The following SPOCK1 variants were observed in gnomAD, a reference collection of about 807,000 sequenced individuals.
The protein encoded by SPOCK1 is testican-1.
In SPOCK1, 23 loss-of-function variants were observed where a neutral mutation model predicts 55.3. The ratio of observed to expected loss-of-function variants is 0.42; its 90% CI spans 0.30 to 0.59. The LOEUF is 0.59. SPOCK1 is among the 20% of genes least tolerant of loss of function. The pLI is 0.22. For synonymous variants in SPOCK1, 226 were observed against 221.0 expected, an observed-to-expected ratio of 1.02 and a Z score of -0.20; for missense variants, 499 against 552.5, an observed-to-expected ratio of 0.90 and a Z score of 0.97.
intron 6 of SPOCK1, among the ~76,000 whole-genome samples, chr5:137,062,834 A>C (rs369184673): frequency 1.5e-4 from 23 of 152,132 alleles, no homozygotes; most frequent in East Asian, 9.6e-4. Context: ...GTTTTTGTGG[A>C]TAACCATTGC....
intron 2 of SPOCK1, among the ~76,000 whole-genome samples, chr5:137,364,602 A>G (rs1055908728): frequency 6.6e-6 from 1 of 152,188 alleles, no homozygotes; most frequent in African/African-American, 2.4e-5. Context: ...CCCACCTAAG[A>G]CAAGGGCAAT....
chr5:137,150,276 C>T (rs967407462), intron 3 of SPOCK1, among the ~76,000 whole-genome samples: 3 of 152,176 alleles, frequency 2.0e-5, no homozygotes, highest in Non-Finnish European at 4.4e-5. Context: ...CACCCTACAA[C>T]AAACAAGTAG....
intron 6 of SPOCK1, among the ~76,000 whole-genome samples, chr5:137,037,916 G>A (rs1751915093): frequency 6.6e-6 from 1 of 152,178 alleles, no homozygotes; most frequent in African/African-American, 2.4e-5. Flanking sequence ...ACATAAATGG[G>A]AGTTGGTGGC....
At chr5:137,152,416 C>T (rs1754335421) in intron 3 of SPOCK1, among the ~76,000 whole-genome samples, 1 of 152,196 alleles carries the variant, frequency 6.6e-6, no homozygotes, top group East Asian at 1.9e-4. Context: ...TAAATCAGGG[C>T]TTAACTGCAC....
At chr5:137,150,169 A>G (rs1754291959) in intron 3 of SPOCK1, among the ~76,000 whole-genome samples, 1 of 152,192 alleles carries the variant, frequency 6.6e-6, no homozygotes, top group South Asian at 2.1e-4. Flanking sequence ...GGTAAACTCT[A>G]TAAGAAGAAA....
At chr5:137,265,134 G>A (rs868712885) in intron 3 of SPOCK1, among the ~76,000 whole-genome samples, 1 of 152,124 alleles carries the variant, frequency 6.6e-6, no homozygotes, top group Non-Finnish European at 1.5e-5. Flanking sequence ...GTTTAAAGAC[G>A]GTGATTTTGT....
At chr5:137,196,596 G>A (rs912452430) in intron 3 of SPOCK1, among the ~76,000 whole-genome samples, 1 of 152,204 alleles carries the variant, frequency 6.6e-6, no homozygotes, top group Non-Finnish European at 1.5e-5. Flanking sequence ...GCTCCTTCAA[G>A]TCTCAGCTCG....
intron 3 of SPOCK1, among the ~76,000 whole-genome samples, chr5:137,161,153 A>G (rs1332133938): frequency 6.7e-6 from 1 of 148,470 alleles, no homozygotes; most frequent in African/African-American, 2.5e-5. Context: ...TATCTCTAAT[A>G]TATAATATAT....
chr5:137,265,206 G>A (rs1480882313), intron 3 of SPOCK1, among the ~76,000 whole-genome samples: 1 of 152,136 alleles, frequency 6.6e-6, no homozygotes, highest in Non-Finnish European at 1.5e-5. Context: ...TATCCCAAGT[G>A]GCAAATGACA....
At chr5:137,407,712 TC>T (rs1392750913) in intron 2 of SPOCK1, among the ~76,000 whole-genome samples, 1 of 151,386 alleles carries the variant, frequency 6.6e-6, no homozygotes, top group African/African-American at 2.4e-5. Context: ...AATCTCATTC[TC>T]CCCCCAACAC....
chr5:137,467,846 A>G (rs909702499), intron 2 of SPOCK1, among the ~76,000 whole-genome samples: 4 of 152,234 alleles, frequency 2.6e-5, no homozygotes, highest in African/African-American at 9.6e-5. Flanking sequence ...AGCAACACCA[A>G]ATAGAAACGT....
chr5:137,160,616 T>TATA (rs1470735922), intron 3 of SPOCK1, among the ~76,000 whole-genome samples: 9,584 of 58,674 alleles, frequency 0.16, 971 homozygotes, highest in East Asian at 0.36. Context: ...TAATATATAA[T>TATA]ATATATTTTA....
chr5:137,219,172 A>G (rs1330581352), intron 3 of SPOCK1, among the ~76,000 whole-genome samples: 2 of 152,224 alleles, frequency 1.3e-5, no homozygotes, highest in Non-Finnish European at 1.5e-5. Context: ...TTACACAAAT[A>G]CACTGTGTTC....
intron 2 of SPOCK1, among the ~76,000 whole-genome samples, chr5:137,305,377 C>T (rs1246067834): frequency 6.6e-6 from 1 of 152,198 alleles, no homozygotes; most frequent in African/African-American, 2.4e-5. Context: ...TCAGCCCCAT[C>T]CTGCTTATCT....
At position 136,988,544 on chromosome 5, in the gene SPOCK1, A is replaced by G; in HGVS notation, c.806T>C (p.Ile269Thr). 1 of 1,614,114 alleles carries G rather than the reference A, an allele frequency of 6.2e-7. No individual in the cohort carries two copies. Among genetic ancestry groups the G allele is most frequent in the Non-Finnish European group, 8.5e-7 (1 of 1,180,004 alleles). ...GTACTTATCCAGGTAGATGGCATTG[A>G]TCTCTGAAGGGTCAAGCAGGAGGTC... ...NYDLLLDPSE[I>T]NAIYLDKYEP... Residue 269 changes from isoleucine (I) to threonine (T), a missense_variant, in exon 8 of 11, where the codon ATC becomes ACC. Physicochemically the swap from Ile to Thr is moderately conservative, Grantham distance 89. Around this residue, in one of 3 missense-constraint regions of SPOCK1, gnomAD observed 386 missense variants for 400.6 expected, o/e 0.96. Coordinates refer to ENST00000394945, the MANE Select transcript of SPOCK1 (RefSeq NM_004598.4).
intron 2 of SPOCK1, among the ~76,000 whole-genome samples, chr5:137,276,207 G>A (rs948301380): frequency 2.6e-5 from 4 of 152,214 alleles, no homozygotes; most frequent in Non-Finnish European, 5.9e-5. Flanking sequence ...TTTTAATCCT[G>A]CAGCAGCCTA....
At chr5:137,370,723 G>C (rs1187355416) in intron 2 of SPOCK1, among the ~76,000 whole-genome samples, 2 of 152,222 alleles carry the variant, frequency 1.3e-5, no homozygotes, top group Admixed American at 1.3e-4. Flanking sequence ...GCAATCATTA[G>C]AGTTTTAGCT....
chr5:137,119,541 G>C (rs1343004820), intron 4 of SPOCK1, among the ~76,000 whole-genome samples: 1 of 152,160 alleles, frequency 6.6e-6, no homozygotes, highest in Admixed American at 6.5e-5. Flanking sequence ...TCCATCGTGG[G>C]GTATGTGGGC....
intron 2 of SPOCK1, among the ~76,000 whole-genome samples, chr5:137,427,372 T>A (rs1752653658): frequency 6.6e-6 from 1 of 152,098 alleles, no homozygotes; most frequent in Non-Finnish European, 1.5e-5. Flanking sequence ...CTCACCAATG[T>A]CCCCATAAAA....
Sources: gnomAD v4.1 joint callset for allele counts (sites outside exome capture counted in the v4.1 genomes callset) on GRCh38, gnomAD v4.1.1 for gene constraint, gnomAD v4.1.1 regional missense constraint, MANE v1.5 for transcripts, NCBI Gene and HGNC (gene_info 2026-07-23, HGNC 2026-07-21) for gene names.